Variants in SI observed in about 807,000 individuals in gnomAD.
The protein encoded by SI is sucrase-isomaltase, intestinal.
In SI, 235 loss-of-function variants were observed where a neutral mutation model predicts 253.3. The ratio of observed to expected loss-of-function variants is 0.93; its 90% confidence interval spans 0.83 to 1.03. The LOEUF (loss-of-function observed/expected upper bound fraction) is 1.03. Among genes scored for constraint, SI ranks in the 50% least tolerant of loss-of-function variants. SI has a pLI of 0.00. For missense variants in SI, 2,442 were observed against 2,211.1 expected (o/e 1.10, Z -2.09); for synonymous variants, 819 against 712.0 (o/e 1.15, Z -2.39).
At chr3:165,009,227 A>G (rs1158119120) in intron 35 of SI, 52 bp downstream of exon 35, 2 of 1,201,524 alleles carry the variant, frequency 1.7e-6, no homozygotes, top group Admixed American at 1.7e-5. Flanking sequence ...AATTTTGCAT[A>G]ATCACTGCAC....
intron 7 of SI, 75 bp from the exon 8 acceptor site, chr3:165,063,616 C>T (rs1242215387): frequency 4.3e-6 from 3 of 691,350 alleles, no homozygotes; most frequent in South Asian, 3.4e-5. Flanking sequence ...TTTATATGCT[C>T]TTCATGAATT....
chr3:165,020,089 T>C (rs530132500), intron 27 of SI, among the ~76,000 whole-genome samples: 138 of 151,838 alleles, frequency 9.1e-4, no homozygotes, highest in African/African-American at 3.2e-3. Flanking sequence ...GACTTAGTAA[T>C]GTGTGACCTA....
chr3:165,011,083 G>A (rs532267913), intron 34 of SI, among the ~76,000 whole-genome samples: 3 of 152,030 alleles, frequency 2.0e-5, no homozygotes, highest in African/African-American at 7.2e-5. Context: ...TCTTAGTTTT[G>A]TTGATATTTT....
Position 165,063,496 on chromosome 3 carries a change from C to T in SI, c.853G>A (p.Glu285Lys), listed in dbSNP as rs758259365. 4 of 1,565,266 alleles carry T rather than the reference C, an allele frequency of 2.6e-6. No homozygotes were observed. The South Asian group carries it at 4.5e-5, about 18-fold the overall frequency. ...CCGAATGACTTTCCAGATGTATCTTCAATACACATAAAGAATGTTTGATGG... is the reference window on the plus strand; with the variant it reads ...CCGAATGACTTTCCAGATGTATCTTTAATACACATAAAGAATGTTTGATGG... ...YGHQTFFMCIEDTSGKSFGVF... is the reference protein window; with the variant it reads ...YGHQTFFMCIKDTSGKSFGVF... The change falls in exon 8 of 48, where the codon GAA becomes AAA. Residue 285 changes from glutamate (E) to lysine (K), a missense_variant. Transcript: ENST00000264382.
intron 36 of SI, among the ~76,000 whole-genome samples, chr3:165,007,553 T>C (rs1281662639): frequency 1.3e-5 from 2 of 151,994 alleles, no homozygotes; most frequent in Non-Finnish European, 2.9e-5. Context: ...TTAAAGAGTA[T>C]TTAACATTTT....
Position 165,059,393 on chromosome 3 carries a change from T to TA in SI, c.1147-95dup, listed in dbSNP as rs1169591939. 3.3e-6 allele frequency: 4 copies of TA among 1,220,032 alleles called. No individual in the cohort carries two copies. In the African/African-American group the frequency reaches 6.0e-5, roughly 18 times the overall value. The allele number at this position is 1,220,032 out of a possible 1,614,324, so 75.6% of individuals were successfully genotyped here. ...CTCCATTGAACGTGTATTATAAACA[T>TA]AACCCTTAAAAAATAAATGAACGTC... is the stretch of plus-strand genomic sequence containing the variant. On this transcript the variant is annotated intron_variant, in intron 10 of 47. Coordinates refer to ENST00000264382, the MANE Select transcript of SI (RefSeq NM_001041.4).
chr3:165,033,046 C>A (rs1712334022), intron 23 of SI, among the ~76,000 whole-genome samples: 1 of 151,218 alleles, frequency 6.6e-6, no homozygotes, highest in Admixed American at 6.6e-5. Context: ...ATTTAATAAA[C>A]CAAAATCCAC....
intron 25 of SI, among the ~76,000 whole-genome samples, chr3:165,028,593 A>G (rs950238057): frequency 1.3e-5 from 2 of 151,450 alleles, no homozygotes; most frequent in Non-Finnish European, 3.0e-5. Flanking sequence ...AAATAATCAC[A>G]TAGACCAATG....
rs1184335609 is a variant in SI, at chr3:164,989,389, GAAGAAAGA to G, written c.5108+1956_5108+1963del. 8.1e-4 allele frequency among the ~76,000 whole-genome samples: 48 copies of G among 59,504 alleles called. No homozygotes were observed. The South Asian group carries it at 0.01, about 13-fold the overall frequency. The allele number at this position is 59,504 out of a possible 152,430, so 39.0% of individuals were successfully genotyped here. A position where few individuals can be genotyped will look rare whatever the true frequency, so the allele number is the denominator to read the frequency against. The stretch of plus-strand genomic sequence containing the variant: ...GAAAGAAAGGAAGAAAGAAAGAAAG[GAAGAAAGA>G]AAGAAAGAAAGAAAGAAAGAAAGAA... On this transcript the variant is annotated intron_variant, in intron 44 of 47. Transcript: ENST00000264382.
intron 38 of SI, among the ~76,000 whole-genome samples, chr3:164,997,387 AG>A (rs1203985215): frequency 2.0e-5 from 3 of 151,710 alleles, no homozygotes; most frequent in African/African-American, 7.3e-5. Context: ...TGTCTTATTT[AG>A]CACTTATTCT....
chr3:165,077,175 A>C (rs941239400), intron 1 of SI, among the ~76,000 whole-genome samples: 2 of 151,444 alleles, frequency 1.3e-5, no homozygotes, highest in African/African-American at 4.8e-5. Flanking sequence ...CCAGCACCAC[A>C]GCATAATTTT....
intron 35 of SI, among the ~76,000 whole-genome samples, chr3:165,008,668 CAT>C (rs1267384773): frequency 6.6e-6 from 1 of 151,856 alleles, no homozygotes; most frequent in African/African-American, 2.4e-5. Flanking sequence ...AAAGTTTCCA[CAT>C]AGTGACAGCT....
In SI at chr3:165,075,982, T is replaced by C; in HGVS notation, c.31A>G (p.Ile11Val). MARKKFSGLE[I>V]SLIVLFVIVT... ...ATGACAAAAAGGACAATCAGAGAGA[T>C]TTCCAATCCACTAAATTTCTTTCTT... Residue 11 changes from isoleucine (I) to valine (V), a missense_variant, in exon 2 of 48, where the codon ATC becomes GTC. By Grantham distance (29) the Ile-to-Val change is conservative. Coordinates refer to ENST00000264382, the MANE Select transcript of SI (RefSeq NM_001041.4). 6.3e-7 allele frequency: 1 copy of C among 1,591,888 alleles called. No individual in the cohort carries two copies. Among genetic ancestry groups the C allele is most frequent in the Non-Finnish European group, 8.6e-7 (1 of 1,164,598 alleles).
Position 165,014,448 on chromosome 3 carries a change from A to G in SI, c.3999+675T>C, listed in dbSNP as rs370139791. On this transcript the variant is annotated intron_variant, in intron 33 of 47. Coordinates refer to ENST00000264382, the MANE Select transcript of SI (RefSeq NM_001041.4). ...GTATTTTTAGTAGAGACGGGGTTTC[A>G]CCACGTTAGCCAGGATGGTCTCGAT... Among the ~76,000 whole-genome samples the G allele has an allele frequency of 1.6e-4, 24 of 152,152 alleles. No homozygotes were observed. In the South Asian group the frequency reaches 4.8e-3, roughly 30 times the overall value.
intron 40 of SI, 68 bp downstream of exon 40, chr3:164,996,467 T>C (rs1351613650): frequency 5.6e-6 from 5 of 899,372 alleles, no homozygotes; most frequent in Non-Finnish European, 9.4e-6. Context: ...CCAAGCCATG[T>C]ACACTAAAGT....
chr3:164,991,535 A>C, intron 43 of SI, 58 bp from the exon 44 acceptor site: 3 of 1,565,270 alleles, frequency 1.9e-6, no homozygotes, highest in Non-Finnish European at 2.6e-6. Context: ...CATCAGCAAC[A>C]CTGGTAGTTG....
intron 33 of SI, among the ~76,000 whole-genome samples, chr3:165,014,747 G>A (rs113056970): frequency 3.9e-5 from 6 of 152,116 alleles, no homozygotes; most frequent in Admixed American, 1.3e-4. Flanking sequence ...TATAAGTATA[G>A]CTGTCAAAAC....
chr3:165,034,371 A>G (rs1356069401), intron 22 of SI, among the ~76,000 whole-genome samples: 2 of 151,932 alleles, frequency 1.3e-5, no homozygotes, highest in Non-Finnish European at 2.9e-5. Context: ...ATGTATTTGG[A>G]GTATTTATAT....
At chr3:164,992,103 T>G (rs1281093663) in intron 43 of SI, 74 bp downstream of exon 43, 38 of 1,216,982 alleles carry the variant, frequency 3.1e-5, no homozygotes, top group Non-Finnish European at 4.0e-5. Flanking sequence ...CAACATACCG[T>G]TAATGAAAAG....
Sources: gnomAD v4.1 joint callset for allele counts (sites outside exome capture counted in the v4.1 genomes callset) on GRCh38, gnomAD v4.1.1 for gene constraint, MANE v1.5 for transcripts, NCBI Gene and HGNC (gene_info 2026-07-23, HGNC 2026-07-21) for gene names.